The following PFKP variants were observed in gnomAD, a reference collection of about 807,000 sequenced individuals.
PFKP encodes phosphofructokinase, platelet.
PFKP carries 101 observed loss-of-function variants against 94.3 expected under a neutral mutation model. The ratio of observed to expected loss-of-function variants is 1.07; its 90% CI spans 0.91 to 1.26. PFKP has a LOEUF of 1.26. Ranked by LOEUF, PFKP falls within the 50% of genes most tolerant of loss-of-function variation. PFKP has a pLI of 0.00. For synonymous variants in PFKP, 573 were observed against 432.6 expected (o/e 1.32, Z -4.03); for missense variants, 1,145 against 1,103.3 (o/e 1.04, Z -0.53).
chr10:3,069,414 C>T (rs760400858), intron 1 of PFKP: 4 of 1,572,042 alleles, frequency 2.5e-6, no homozygotes, highest in Non-Finnish European at 1.7e-6. Context: ...GCCTTGGGGT[C>T]GGGATAGGAC....
chr10:3,095,453 C>T (rs1255258523), intron 2 of PFKP, among the ~76,000 whole-genome samples: 3 of 152,272 alleles, frequency 2.0e-5, no homozygotes, highest in South Asian at 2.1e-4. Flanking sequence ...AATGACTCAA[C>T]GTAAAAAATT....
intron 16 of PFKP, among the ~76,000 whole-genome samples, chr10:3,128,551 A>G (rs11251739): frequency 0.38 from 57,163 of 152,172 alleles, 11,327 homozygotes; most frequent in Non-Finnish European, 0.46. Flanking sequence ...TGAGGCCAGA[A>G]TGTTTGCTCC....
At chr10:3,136,024 G>A (rs1839253507) in intron 21 of PFKP, among the ~76,000 whole-genome samples, 186 bp downstream of exon 21, 1 of 152,136 alleles carries the variant, frequency 6.6e-6, no homozygotes, top group Non-Finnish European at 1.5e-5. Flanking sequence ...CCAGCACTGT[G>A]GGAGGCCGAG....
chr10:3,120,398 T>C (rs968901056), intron 16 of PFKP, among the ~76,000 whole-genome samples: 2 of 145,452 alleles, frequency 1.4e-5, no homozygotes, highest in Non-Finnish European at 3.0e-5. Context: ...TGTGTGTGTG[T>C]GCTGAGCCTA....
At chr10:3,102,709 C>A (rs903465077) in intron 4 of PFKP, among the ~76,000 whole-genome samples, 1 of 152,178 alleles carries the variant, frequency 6.6e-6, no homozygotes, top group Non-Finnish European at 1.5e-5. Context: ...AGTTTTTCTC[C>A]CTTGAAGCGG....
intron 2 of PFKP, among the ~76,000 whole-genome samples, chr10:3,086,122 TC>T (rs1375296646): frequency 4.6e-5 from 7 of 152,164 alleles, no homozygotes; most frequent in Admixed American, 1.3e-4. Context: ...AGGAGGTTTT[TC>T]TGTTATAATT....
chr10:3,121,836 T>TTTTTTTC (rs1837462443), intron 16 of PFKP, among the ~76,000 whole-genome samples: 1 of 96,178 alleles, frequency 1.0e-5, no homozygotes, highest in Non-Finnish European at 2.0e-5. Context: ...TTTTTCTTTT[T>TTTTTTTC]TTGGAGACAG....
At chr10:3,131,957 C>A (rs1838637420) in intron 17 of PFKP, among the ~76,000 whole-genome samples, 1 of 152,076 alleles carries the variant, frequency 6.6e-6, no homozygotes, top group Non-Finnish European at 1.5e-5. Flanking sequence ...CTACAAAATT[C>A]TTTGGTCAGA....
intron 2 of PFKP, among the ~76,000 whole-genome samples, chr10:3,096,594 C>T (rs1834498005): frequency 6.6e-6 from 1 of 151,916 alleles, no homozygotes. Context: ...GAGGTCGTGC[C>T]TCTAAGAAGG....
intron 9 of PFKP, 82 bp downstream of exon 9, chr10:3,108,875 A>C: frequency 9.8e-7 from 1 of 1,016,282 alleles, no homozygotes; most frequent in South Asian, 1.3e-5. Flanking sequence ...AGCCGGCCAC[A>C]GAGGCTGGCA....
rs59102828 is a variant in PFKP, at chr10:3,076,017, CAAAAAAAAAAA to C, written c.113-6358_113-6348del. ...TGGGCGACAGAGCGAGACTCCGTCT[CAAAAAAAAAAA>C]AAAAAAAAAAAAGTAAAAACCGGTA... On this transcript the variant is annotated intron_variant, in intron 1 of 21. Coordinates refer to ENST00000381125, the MANE Select transcript of PFKP (RefSeq NM_002627.5). 3.1e-3 allele frequency among the ~76,000 whole-genome samples: 191 copies of C among 61,858 alleles called. 2 individuals are homozygous for C. The highest frequency in any genetic ancestry group is 0.011 in the African/African-American group (183 of 16,922). 40.6% of individuals were successfully genotyped at this position (61,858 alleles called of 152,430 possible). A position where few individuals can be genotyped will look rare whatever the true frequency, so the allele number is the denominator to read the frequency against.
Position 3,118,892 on chromosome 10 carries a change from C to T in PFKP, c.1530+23C>T, listed in dbSNP as rs746699215. On this transcript the variant is annotated intron_variant, in intron 15 of 21. Coordinates refer to ENST00000381125, the MANE Select transcript of PFKP (RefSeq NM_002627.5). Reference sequence around the variant, plus strand: ...GAGGTACGTTACCGTTTCTCTCTTGCCGGTCTTGCAGGTGTGAGCCGCGCC... The same window carrying T: ...GAGGTACGTTACCGTTTCTCTCTTGTCGGTCTTGCAGGTGTGAGCCGCGCC... 5.7e-6 allele frequency: 9 copies of T among 1,590,926 alleles called. No individual in the cohort carries two copies. The South Asian group carries it at 6.7e-5, about 12-fold the overall frequency.
Position 3,113,432 on chromosome 10 carries a change from G to A in PFKP, c.1285G>A (p.Val429Ile), listed in dbSNP as rs748902472. 25 of 1,608,910 alleles carry A rather than the reference G, an allele frequency of 1.6e-5. No homozygotes were observed. The highest frequency in any genetic ancestry group is 6.7e-5 in the Admixed American group (4 of 59,392). Residue 429 changes from valine (V) to isoleucine (I), a missense_variant, in exon 13 of 22, where the codon GTA becomes ATA. Val to Ile is a conservative substitution (Grantham distance 29). This residue lies in a region of PFKP where 1,119 missense variants were observed against 1,062.8 expected (regional missense o/e 1.05). Transcript: ENST00000381125. The part of the protein sequence containing the change: ...GAPAAGMNAA[V>I]RSAVRVGIAD... ...ACCCGCGGCTGGGATGAACGCAGCC[G>A]TACGCTCAGCTGTGCGCGTGGGCAT...
rs187881756 is a variant in PFKP, at chr10:3,136,693, G to A, written c.*114G>A. 279 of 1,162,658 alleles carry A rather than the reference G, an allele frequency of 2.4e-4. No homozygotes were observed. Among genetic ancestry groups the A allele is most frequent in the African/African-American group, 1.3e-3 (84 of 66,494 alleles). 72.0% of individuals were successfully genotyped at this position (1,162,658 alleles called of 1,614,324 possible). A position where few individuals can be genotyped will look rare whatever the true frequency, so the allele number is the denominator to read the frequency against. The stretch of plus-strand genomic sequence containing the variant: ...TTATTGACATTAATACCTAATCGGC[G>A]AGTGCCCATCTGCCCCACCTGCTCC... On this transcript the variant is annotated 3_prime_UTR_variant, in exon 22 of 22. Transcript: ENST00000381125.
At position 3,095,405 on chromosome 10, in the gene PFKP, T is replaced by C. The variant is rs76553309; in HGVS notation, c.187-3870T>C. ...CAAAACAATTTCGAATAAGTTGAAA[T>C]GACTTCAGAGCCTGTGGCATGTTCT... On this transcript the variant is annotated intron_variant, in intron 2 of 21. Transcript: ENST00000381125. Among the ~76,000 whole-genome samples, 332 of 152,326 alleles carry C rather than the reference T, an allele frequency of 2.2e-3. 1 individual carries two copies. The highest frequency in any genetic ancestry group is 7.6e-3 in the African/African-American group (318 of 41,576).
At chr10:3,111,193 A>C (rs77950658) in intron 10 of PFKP, among the ~76,000 whole-genome samples, 3,193 of 149,990 alleles carry the variant, frequency 0.021, 109 homozygotes, top group African/African-American at 0.074. Context: ...TGTGAGAGGT[A>C]GTATGTGCCT....
chr10:3,127,766 G>C (rs1348519659), intron 16 of PFKP, among the ~76,000 whole-genome samples: 1 of 152,046 alleles, frequency 6.6e-6, no homozygotes, highest in Non-Finnish European at 1.5e-5. Flanking sequence ...CCCCATCTCG[G>C]CTTCTACACA....
At chr10:3,127,755 T>C (rs911888632) in intron 16 of PFKP, among the ~76,000 whole-genome samples, 4 of 152,112 alleles carry the variant, frequency 2.6e-5, no homozygotes, top group Non-Finnish European at 5.9e-5. Context: ...CCTGTTTCTC[T>C]CCCCATCTCG....
chr10:3,105,022 T>A, intron 5 of PFKP, 93 bp from the exon 6 acceptor site: 1 of 1,228,170 alleles, frequency 8.1e-7, no homozygotes, highest in Admixed American at 1.9e-5. Flanking sequence ...CCCTTTTCTC[T>A]GCTTTCTGAG....
Sources: gnomAD v4.1 joint callset for allele counts (sites outside exome capture counted in the v4.1 genomes callset) on GRCh38, gnomAD v4.1.1 for gene constraint, gnomAD v4.1.1 regional missense constraint, MANE v1.5 for transcripts, NCBI Gene and HGNC (gene_info 2026-07-23, HGNC 2026-07-21) for gene names.